Variants in MLLT10 observed in about 807,000 individuals in gnomAD.
MLLT10 encodes MLLT10 histone lysine methyltransferase DOT1L cofactor, also known as protein AF-10.
A neutral mutation model predicts 129.1 loss-of-function variants in MLLT10; 30 were observed. The ratio of observed to expected loss-of-function variants is 0.23; its 90% CI spans 0.17 to 0.32. The LOEUF (loss-of-function observed/expected upper bound fraction) is 0.32. Ranked by LOEUF, MLLT10 falls within the 10% of genes least tolerant of loss-of-function variation. The pLI, the probability that MLLT10 is intolerant of heterozygous loss-of-function variation, is 1.00. For synonymous variants in MLLT10, 490 were observed against 446.4 expected (o/e 1.10, Z -1.23); for missense variants, 1,119 against 1,268.3 (o/e 0.88, Z 1.79).
In MLLT10 at chr10:21,743,110, T is replaced by A. The variant is rs1270838190; in HGVS notation, c.*1127T>A. ...CCACTTTGGGGAGCCACGCTTTTGA[T>A]GTGACAGTACCGCAGAGTGATTCCC... On this transcript the variant is annotated 3_prime_UTR_variant, in exon 23 of 23. Coordinates refer to ENST00000307729, the MANE Select transcript of MLLT10 (RefSeq NM_001195626.3). 1 of 230,630 alleles carries A rather than the reference T, an allele frequency of 4.3e-6. No homozygotes were observed. Among genetic ancestry groups the A allele is most frequent in the African/African-American group, 2.2e-5 (1 of 45,202 alleles). The allele number at this position is 230,630 out of a possible 1,614,324, so 14.3% of individuals were successfully genotyped here. A position where few individuals can be genotyped will look rare whatever the true frequency, so the allele number is the denominator to read the frequency against.
intron 21 of MLLT10, among the ~76,000 whole-genome samples, chr10:21,737,530 G>A (rs1325086178): frequency 6.6e-6 from 1 of 152,200 alleles, no homozygotes; most frequent in Non-Finnish European, 1.5e-5. Context: ...CTGGAGGTGG[G>A]TTTTATGTGG....
At chr10:21,557,257 GT>G in intron 3 of MLLT10, 1 of 929,606 alleles carries the variant, frequency 1.1e-6, no homozygotes, top group Non-Finnish European at 1.4e-6. Flanking sequence ...ATAAGTAATA[GT>G]TTATGAAATC....
intron 10 of MLLT10, chr10:21,671,027 A>C (rs1408943193): frequency 4.8e-6 from 1 of 206,540 alleles, no homozygotes; most frequent in Admixed American, 5.3e-5. Flanking sequence ...TCTGTAGAAC[A>C]GTCCTTCTTT....
chr10:21,554,034 C>CA (rs1268215440), intron 3 of MLLT10, among the ~76,000 whole-genome samples: 5 of 152,288 alleles, frequency 3.3e-5, no homozygotes, highest in East Asian at 1.9e-4. Flanking sequence ...TTCTGATACT[C>CA]ACGATGGTGT....
intron 3 of MLLT10, among the ~76,000 whole-genome samples, chr10:21,566,337 T>G (rs1453524334): frequency 7.4e-6 from 1 of 134,800 alleles, no homozygotes. Context: ...CCCCACCCCC[T>G]TTTTTTTTTT....
At chr10:21,624,297 A>G (rs1485299353) in intron 8 of MLLT10, among the ~76,000 whole-genome samples, 2 of 152,234 alleles carry the variant, frequency 1.3e-5, no homozygotes, top group East Asian at 1.9e-4. Flanking sequence ...CTGCAAAATC[A>G]TGACTTAACA....
In MLLT10 at chr10:21,670,505, T is replaced by C. The variant is rs1317612544; in HGVS notation, c.852T>C (p.Asp284=). The C allele has an allele frequency of 2.5e-6, 4 of 1,614,030 alleles. No homozygotes were observed. The South Asian group carries it at 4.4e-5, about 18-fold the overall frequency. ...CTGGATCATTGAAGCGCTTGGAAGA[T>C]ACTACTGCACGATTTACAAATGCAA... ...SISGSLKRLE[D]TTARFTNANF... is the part of the protein sequence containing the mutation. Residue 284 remains aspartate (D), a synonymous_variant, in exon 10 of 23, where the codon GAT becomes GAC. Coordinates refer to ENST00000307729, the MANE Select transcript of MLLT10 (RefSeq NM_001195626.3).
intron 3 of MLLT10, among the ~76,000 whole-genome samples, chr10:21,567,475 G>C (rs1407796581): frequency 6.6e-6 from 1 of 152,180 alleles, no homozygotes; most frequent in Non-Finnish European, 1.5e-5. Context: ...AGGGAGGGAT[G>C]CCTTATTACT....
rs146243002 is a variant in MLLT10 at position 21,654,605 on chromosome 10, G to A, written c.795+2837G>A. Among the ~76,000 whole-genome samples the A allele has an allele frequency of 1.3e-4, 20 of 152,350 alleles. 2 individuals are homozygous for A. The East Asian group carries it at 3.3e-3, about 25-fold the overall frequency. On this transcript the variant is annotated intron_variant, in intron 9 of 22. Coordinates refer to ENST00000307729, the MANE Select transcript of MLLT10 (RefSeq NM_001195626.3). ...TTACTATGATTTCTGGGTAGTCACA[G>A]TGTTCCACCTGAAGGTTCATGGGCA...
intron 13 of MLLT10, among the ~76,000 whole-genome samples, chr10:21,709,230 CTT>C (rs33993302): frequency 0.74 from 105,608 of 143,500 alleles, 39,158 homozygotes; most frequent in East Asian, 0.95. Flanking sequence ...ATTTTATCTG[CTT>C]TTTTTTTTTT....
At chr10:21,534,571 C>T (rs1361122160) in intron 1 of MLLT10, 51 bp downstream of exon 1, 21 of 1,117,692 alleles carry the variant, frequency 1.9e-5, no homozygotes, top group Admixed American at 3.3e-5. Flanking sequence ...GGGGCGGGCT[C>T]GGGGGGCTGT....
chr10:21,598,596 A>T (rs2043226397), intron 5 of MLLT10, among the ~76,000 whole-genome samples: 3 of 152,206 alleles, frequency 2.0e-5, no homozygotes, highest in Non-Finnish European at 4.4e-5. Context: ...TATGTAGAAA[A>T]CTGTGGGCCA....
intron 3 of MLLT10, among the ~76,000 whole-genome samples, chr10:21,562,615 G>C (rs535750294): frequency 6.6e-6 from 1 of 152,138 alleles, no homozygotes; most frequent in Non-Finnish European, 1.5e-5. Flanking sequence ...TGGGATTACA[G>C]GTGTGAGCCA....
chr10:21,535,651 C>T (rs1333812211), intron 2 of MLLT10, among the ~76,000 whole-genome samples: 1 of 152,206 alleles, frequency 6.6e-6, no homozygotes, highest in Non-Finnish European at 1.5e-5. Flanking sequence ...CCGACTTTTC[C>T]CCATTTCACG....
intron 17 of MLLT10, 86 bp from the exon 18 acceptor site, chr10:21,732,813 T>C: frequency 9.3e-7 from 1 of 1,069,842 alleles, no homozygotes; most frequent in East Asian, 2.7e-5. Flanking sequence ...TATTTTAACT[T>C]ATTTCTAAGG....
At chr10:21,594,980 G>GT (rs1427225294) in intron 4 of MLLT10, among the ~76,000 whole-genome samples, 1 of 151,914 alleles carries the variant, frequency 6.6e-6, no homozygotes, top group Non-Finnish European at 1.5e-5. Flanking sequence ...AAATTTTGTC[G>GT]TAAGTATTAA....
At chr10:21,728,014 A>G (rs1248956547) in intron 16 of MLLT10, 86 bp downstream of exon 16, 17 of 1,057,126 alleles carry the variant, frequency 1.6e-5, no homozygotes, top group Non-Finnish European at 2.3e-5. Context: ...TAGAGTGTAC[A>G]TTTGTGAGGC....
intron 8 of MLLT10, among the ~76,000 whole-genome samples, chr10:21,648,598 G>A (rs1227959846): frequency 6.6e-6 from 1 of 152,152 alleles, no homozygotes; most frequent in African/African-American, 2.4e-5. Flanking sequence ...TCTTTGTAGG[G>A]AGAAAAACAT....
chr10:21,646,698 T>C (rs1231229616), intron 8 of MLLT10, among the ~76,000 whole-genome samples: 1 of 152,158 alleles, frequency 6.6e-6, no homozygotes, highest in Non-Finnish European at 1.5e-5. Flanking sequence ...GAGAGTGACG[T>C]TGGCTGTCTT....
Sources: allele counts gnomAD v4.1 joint callset (sites outside exome capture counted in the v4.1 genomes callset), GRCh38; gene constraint gnomAD v4.1.1; transcripts MANE v1.5; gene names NCBI Gene and HGNC (gene_info 2026-07-23, HGNC 2026-07-21).